Variants in LRMDA observed in about 807,000 individuals in gnomAD.
LRMDA encodes the protein leucine-rich melanocyte differentiation-associated protein.
A neutral mutation model predicts 29.8 loss-of-function variants in LRMDA; 18 were observed. The observed-to-expected ratio is 0.60, with a 90% CI of 0.42 to 0.90. The LOEUF (loss-of-function observed/expected upper bound fraction) is 0.90. Among genes scored for constraint, LRMDA ranks in the 40% least tolerant of loss-of-function variants. The probability of loss-of-function intolerance (pLI) is 0.00; values close to 1 mark genes in which losing one functional copy is unlikely to be tolerated. For missense variants in LRMDA, 273 were observed against 273.9 expected (o/e 1.00, Z 0.02); for synonymous variants, 125 against 109.4 (o/e 1.14, Z -0.89).
chr10:75,790,687 T>C (rs907242141), intron 2 of LRMDA, among the ~76,000 whole-genome samples: 1 of 152,264 alleles, frequency 6.6e-6, no homozygotes, highest in Non-Finnish European at 1.5e-5. Flanking sequence ...TTTGGGTGAT[T>C]GATCTGATTT....
intron 2 of LRMDA, among the ~76,000 whole-genome samples, chr10:75,443,036 G>A (rs1844347320): frequency 1.3e-5 from 2 of 152,118 alleles, no homozygotes; most frequent in African/African-American, 2.4e-5. Flanking sequence ...TAGGGATGCA[G>A]CTGATTTTTG....
chr10:75,956,602 G>A (rs146819157), intron 2 of LRMDA, among the ~76,000 whole-genome samples: 151 of 152,246 alleles, frequency 9.9e-4, no homozygotes, highest in Admixed American at 3.4e-3. Flanking sequence ...TCTAATGCCC[G>A]TAGTCTTTCT....
chr10:75,609,676 C>G (rs578177082), intron 2 of LRMDA, among the ~76,000 whole-genome samples: 3 of 152,156 alleles, frequency 2.0e-5, no homozygotes, highest in Non-Finnish European at 4.4e-5. Context: ...CTAGCCTGGG[C>G]GAGCTGAGAA....
intron 2 of LRMDA, among the ~76,000 whole-genome samples, chr10:75,732,476 GAT>G (rs1260561597): frequency 6.6e-6 from 1 of 152,202 alleles, no homozygotes; most frequent in Non-Finnish European, 1.5e-5. Context: ...TATCACGACA[GAT>G]ATACTTTTGT....
At chr10:75,988,841 G>T (rs1847308112) in intron 2 of LRMDA, among the ~76,000 whole-genome samples, 1 of 152,122 alleles carries the variant, frequency 6.6e-6, no homozygotes, top group Non-Finnish European at 1.5e-5. Flanking sequence ...GCCTGTCCTT[G>T]CAGCTCCTCG....
intron 2 of LRMDA, among the ~76,000 whole-genome samples, chr10:75,770,928 G>C (rs1202441428): frequency 1.3e-5 from 2 of 152,194 alleles, no homozygotes; most frequent in African/African-American, 4.8e-5. Context: ...AAGTTAAGCA[G>C]AGAGGAATTT....
rs1256120614 is a variant in LRMDA at position 76,365,071 on chromosome 10, T to TATATAC, written c.601+40587_601+40588insTATACA. On this transcript the variant is annotated intron_variant, in intron 6 of 6. Transcript: ENST00000611255. The stretch of plus-strand genomic sequence containing the variant: ...TGCATAGTATTCCATCGTATATATA[T>TATATAC]ACACACACACACACATATATATATA... Among the ~76,000 whole-genome samples the TATATAC allele has an allele frequency of 8.3e-3, 756 of 91,506 alleles. 9 individuals are homozygous for TATATAC. Among genetic ancestry groups the TATATAC allele is most frequent in the Middle Eastern group, 0.02 (3 of 150 alleles). The allele number at this position is 91,506 out of a possible 152,430, so 60.0% of individuals were successfully genotyped here.
At chr10:76,044,958 GTTTCCCCTTCTCTTGCTAC>G (rs1848407257) in intron 3 of LRMDA, among the ~76,000 whole-genome samples, 1 of 146,022 alleles carries the variant, frequency 6.8e-6, no homozygotes, top group Admixed American at 6.9e-5. Context: ...CCTCTTGCTT[GTTTCCCCTTCTCTTGCTAC>G]TTTCCCCTCC....
chr10:76,056,936 T>C (rs1202503056), intron 4 of LRMDA, among the ~76,000 whole-genome samples: 1 of 152,144 alleles, frequency 6.6e-6, no homozygotes, highest in Non-Finnish European at 1.5e-5. Flanking sequence ...AAGCAGCCCC[T>C]ACTGCAGCTG....
chr10:75,895,286 G>C (rs1302325488), intron 2 of LRMDA, among the ~76,000 whole-genome samples: 1 of 151,200 alleles, frequency 6.6e-6, no homozygotes, highest in Non-Finnish European at 1.5e-5. Flanking sequence ...CCTAGAAACA[G>C]ATTAGCTAAA....
intron 2 of LRMDA, among the ~76,000 whole-genome samples, chr10:75,842,858 T>TA (rs57455428): frequency 0.039 from 5,553 of 143,134 alleles, 279 homozygotes; most frequent in East Asian, 0.14. Flanking sequence ...CCCTGTTTCT[T>TA]AAAAAAAAAA....
chr10:76,484,444 A>G (rs1453893844), intron 6 of LRMDA, among the ~76,000 whole-genome samples: 1 of 151,898 alleles, frequency 6.6e-6, no homozygotes, highest in Non-Finnish European at 1.5e-5. Context: ...CATGAACATG[A>G]TATGGCTTTC....
chr10:75,971,156 G>A (rs1846962251), intron 2 of LRMDA, among the ~76,000 whole-genome samples: 1 of 152,168 alleles, frequency 6.6e-6, no homozygotes, highest in African/African-American at 2.4e-5. Flanking sequence ...TAGAGATATT[G>A]GTGAAAAGGA....
chr10:76,047,230 C>T lies in LRMDA; in HGVS notation c.325C>T (p.Leu109=), dbSNP rs774572193. The part of the protein sequence containing the change: ...EVTPALEYLS[L]LGNVACPNEL... ...GACACCAGCTCTGGAGTACCTCAGT[C>T]TGCTGGGCAACGTGGCCTGTCCCAA... The change falls in exon 4 of 7, where the codon CTG becomes TTG. Residue 109 remains leucine (L), a synonymous_variant. Coordinates refer to ENST00000611255, the MANE Select transcript of LRMDA (RefSeq NM_001305581.2). 6.2e-7 allele frequency: 1 copy of T among 1,614,152 alleles called. No individual in the cohort carries two copies. The highest frequency in any genetic ancestry group is 1.7e-5 in the Admixed American group (1 of 60,024).
At chr10:76,302,641 T>C (rs1051039236) in intron 5 of LRMDA, among the ~76,000 whole-genome samples, 2 of 152,174 alleles carry the variant, frequency 1.3e-5, no homozygotes, top group African/African-American at 4.8e-5. Context: ...TATTGGATGA[T>C]TTATTTCTTA....
At chr10:75,864,542 T>C (rs1844988297) in intron 2 of LRMDA, among the ~76,000 whole-genome samples, 1 of 152,172 alleles carries the variant, frequency 6.6e-6, no homozygotes, top group South Asian at 2.1e-4. Flanking sequence ...AGGAAAAAAA[T>C]AAGGCCTTCC....
At chr10:75,894,679 A>G (rs552719841) in intron 2 of LRMDA, among the ~76,000 whole-genome samples, 35 of 152,278 alleles carry the variant, frequency 2.3e-4, no homozygotes, top group Admixed American at 3.9e-4. Flanking sequence ...GGCATGAGAA[A>G]GATGTGAGAA....
At chr10:76,134,856 G>A (rs1272659924) in intron 5 of LRMDA, among the ~76,000 whole-genome samples, 2 of 152,072 alleles carry the variant, frequency 1.3e-5, no homozygotes, top group African/African-American at 2.4e-5. Flanking sequence ...CATACCTACT[G>A]AATGAATTAT....
intron 2 of LRMDA, among the ~76,000 whole-genome samples, chr10:76,001,322 G>A (rs916948227): frequency 6.6e-6 from 1 of 152,078 alleles, no homozygotes; most frequent in Admixed American, 6.5e-5. Context: ...AGCAAATAGG[G>A]CCCTTCAAAA....
Sources: gnomAD v4.1 joint callset for allele counts (sites outside exome capture counted in the v4.1 genomes callset) on GRCh38, gnomAD v4.1.1 for gene constraint, MANE v1.5 for transcripts, NCBI Gene and HGNC (gene_info 2026-07-23, HGNC 2026-07-21) for gene names.